The following RABL3 variants were observed in gnomAD, a reference collection of about 807,000 sequenced individuals.
RABL3 encodes the protein RAB, member of RAS oncogene family like 3.
Under a neutral mutation model 31.8 loss-of-function variants are expected in RABL3, and 31 were observed. The ratio of observed to expected loss-of-function variants is 0.97; its 90% confidence interval spans 0.73 to 1.31. The LOEUF (loss-of-function observed/expected upper bound fraction) is 1.31. Among genes scored for constraint, RABL3 ranks in the 40% most tolerant of loss-of-function variants. The pLI, the probability that RABL3 is intolerant of heterozygous loss-of-function variation, is 0.00. For missense variants in RABL3, 263 were observed against 279.6 expected, an observed-to-expected ratio of 0.94 and a Z score of 0.42; for synonymous variants, 97 against 99.9, an observed-to-expected ratio of 0.97 and a Z score of 0.18.
chr3:120,690,475 T>C lies in RABL3; in HGVS notation c.619A>G (p.Arg207Gly), dbSNP rs749353937. 1.6e-5 allele frequency: 25 copies of C among 1,602,554 alleles called. No homozygotes were observed. Among genetic ancestry groups the C allele is most frequent in the Non-Finnish European group, 8.5e-7 (1 of 1,170,014 alleles). ...SRFFDKVIEKRYFLREGNQIP... is the reference protein window; with the variant it reads ...SRFFDKVIEKGYFLREGNQIP... ...TGATTACCTTCTCTTAAAAAGTATC[T>C]CTTCTCTATGACCTGTGAAAAACAA... Residue 207 changes from arginine (R) to glycine (G), a missense_variant, in exon 7 of 8, where the codon AGA (arginine) becomes GGA (glycine). Physicochemically the swap from Arg to Gly is moderately radical, Grantham distance 125. Coordinates refer to ENST00000273375, the MANE Select transcript of RABL3 (RefSeq NM_173825.5).
At chr3:120,703,698 A>C (rs1708519085) in intron 4 of RABL3, among the ~76,000 whole-genome samples, 2 of 152,166 alleles carry the variant, frequency 1.3e-5, no homozygotes, top group African/African-American at 4.8e-5. Context: ...GAAGACATAA[A>C]ATACCAAAAT....
intron 2 of RABL3, among the ~76,000 whole-genome samples, chr3:120,718,484 T>A (rs1029454865): frequency 1.3e-5 from 2 of 152,234 alleles, no homozygotes; most frequent in Non-Finnish European, 2.9e-5. Flanking sequence ...ATAAGTCCTG[T>A]CATTAAACAC....
chr3:120,738,197 C>G (rs1708995936), intron 1 of RABL3, among the ~76,000 whole-genome samples: 1 of 152,254 alleles, frequency 6.6e-6, no homozygotes, highest in Non-Finnish European at 1.5e-5. Flanking sequence ...ACTCAAGCTT[C>G]ATCAATGGCG....
chr3:120,728,606 G>A (rs752015098), intron 2 of RABL3, among the ~76,000 whole-genome samples: 1 of 152,012 alleles, frequency 6.6e-6, no homozygotes. Context: ...AATGCTAAAT[G>A]ACGAGTTAAT....
chr3:120,691,301 C>T (rs764873522), intron 6 of RABL3, among the ~76,000 whole-genome samples: 1 of 152,074 alleles, frequency 6.6e-6, no homozygotes, highest in African/African-American at 2.4e-5. Context: ...TGAGAAACTG[C>T]AATGGTTACA....
intron 2 of RABL3, among the ~76,000 whole-genome samples, chr3:120,727,392 TA>T (rs1404644447): frequency 6.6e-6 from 1 of 152,134 alleles, no homozygotes; most frequent in Non-Finnish European, 1.5e-5. Flanking sequence ...TTCAAAAACA[TA>T]AACTACCAAA....
Position 120,709,814 on chromosome 3 carries a change from T to C in RABL3, c.234A>G (p.Lys78=). The part of the protein sequence containing the change: ...GGSVGSASSV[K]STRAVFYNSV... ...AGTTGTAGAATACTGCTCTTGTGCTTTTCACGCTGCTGGCACTGCCCACAG... is the reference window on the plus strand; with the variant it reads ...AGTTGTAGAATACTGCTCTTGTGCTCTTCACGCTGCTGGCACTGCCCACAG... Residue 78 remains lysine, a synonymous_variant, in exon 3 of 8, where the codon AAA becomes AAG. Coordinates refer to ENST00000273375, the MANE Select transcript of RABL3 (RefSeq NM_173825.5). The C allele has an allele frequency of 6.2e-7, 1 of 1,612,472 alleles. No homozygotes were observed. The highest frequency in any genetic ancestry group is 2.2e-5 in the East Asian group (1 of 44,856).
intron 1 of RABL3, among the ~76,000 whole-genome samples, chr3:120,731,024 C>G (rs1012044609): frequency 6.6e-6 from 1 of 152,188 alleles, no homozygotes; most frequent in East Asian, 1.9e-4. Flanking sequence ...GGGCTCCACC[C>G]CCAGACTTTC....
chr3:120,738,799 CCAT>C (rs1709004054), intron 1 of RABL3: 2 of 152,204 alleles, frequency 1.3e-5, no homozygotes, highest in South Asian at 4.1e-4. Context: ...AATCATTCTT[CCAT>C]TATTATTAGA....
At position 120,705,537 on chromosome 3, in the gene RABL3, GAGAA is replaced by G. The variant is rs1708538820; in HGVS notation, c.383+459_383+462del. The stretch of plus-strand genomic sequence containing the variant: ...GCAAAGGAGCAAAAGCAATTCAATG[GAGAA>G]AGGATATCTTTTCAATAAATGGTGC... On this transcript the variant is annotated intron_variant, in intron 4 of 7. Coordinates refer to ENST00000273375, the MANE Select transcript of RABL3 (RefSeq NM_173825.5). Among the ~76,000 whole-genome samples the G allele has an allele frequency of 2.0e-5, 3 of 152,128 alleles. No homozygotes were observed. In the South Asian group the frequency reaches 6.2e-4, roughly 32 times the overall value.
intron 4 of RABL3, among the ~76,000 whole-genome samples, chr3:120,704,540 A>G (rs1020038659): frequency 1.3e-5 from 2 of 152,202 alleles, no homozygotes; most frequent in African/African-American, 4.8e-5. Flanking sequence ...TATCACTCCT[A>G]GTTAGTACCC....
At position 120,712,593 on chromosome 3, in the gene RABL3, G is replaced by A. The variant is rs553454269; in HGVS notation, c.139-2684C>T. ...AGCAGGTTTGGTACTCCTCCTATTT[G>A]CTTCCATAGCATCCTACACACCTCT... On this transcript the variant is annotated intron_variant, in intron 2 of 7. Coordinates refer to ENST00000273375, the MANE Select transcript of RABL3 (RefSeq NM_173825.5). 4.6e-5 allele frequency among the ~76,000 whole-genome samples: 7 copies of A among 152,126 alleles called. No individual in the cohort carries two copies. The South Asian group carries it at 1.5e-3, about 32-fold the overall frequency.
intron 5 of RABL3, 114 bp from the exon 6 acceptor site, chr3:120,694,338 C>T: frequency 1.6e-6 from 1 of 615,964 alleles, no homozygotes; most frequent in Non-Finnish European, 3.0e-6. Flanking sequence ...AGGCACAATA[C>T]TCTCACAAAA....
At chr3:120,726,120 CA>C (rs1298375713) in intron 2 of RABL3, among the ~76,000 whole-genome samples, 1 of 152,084 alleles carries the variant, frequency 6.6e-6, no homozygotes, top group Non-Finnish European at 1.5e-5. Flanking sequence ...CTGGCCTACT[CA>C]ACACCTCTGG....
chr3:120,730,915 A>G, intron 1 of RABL3, 128 bp from the exon 2 acceptor site: 2 of 674,318 alleles, frequency 3.0e-6, no homozygotes, highest in South Asian at 1.6e-5. Flanking sequence ...CATACCAACA[A>G]TATAAGCTTC....
chr3:120,690,544 C>T, intron 6 of RABL3, 57 bp from the exon 7 acceptor site: 4 of 1,175,344 alleles, frequency 3.4e-6, no homozygotes, highest in Non-Finnish European at 5.1e-6. Flanking sequence ...AAGTGGCTAA[C>T]TGCAACGACC....
At chr3:120,725,248 T>A (rs1409065132) in intron 2 of RABL3, among the ~76,000 whole-genome samples, 2 of 152,214 alleles carry the variant, frequency 1.3e-5, no homozygotes. Context: ...CACATTGAGA[T>A]ACCATTTCAC....
Position 120,685,448 on chromosome 3 carries a change from A to C in RABL3, c.*4375T>G, listed in dbSNP as rs1486526262. Reference sequence around the variant, plus strand: ...GCCAGCTGAGAAAACACAGTACTAGAGAGGGGGCTGTGTGTAAGATGGCAA... The same window carrying C: ...GCCAGCTGAGAAAACACAGTACTAGCGAGGGGGCTGTGTGTAAGATGGCAA... On this transcript the variant is annotated 3_prime_UTR_variant, in exon 8 of 8. Transcript: ENST00000273375. Among the ~76,000 whole-genome samples, 1 of 152,218 alleles carries C rather than the reference A, an allele frequency of 6.6e-6. No homozygotes were observed. The highest frequency in any genetic ancestry group is 2.4e-5 in the African/African-American group (1 of 41,462).
intron 2 of RABL3, among the ~76,000 whole-genome samples, chr3:120,715,533 T>C (rs1304827603): frequency 2.0e-5 from 3 of 152,018 alleles, no homozygotes; most frequent in Non-Finnish European, 2.9e-5. Context: ...TGAGACTCTT[T>C]TTCAAAATAA....
Sources: gnomAD v4.1 joint callset for allele counts (sites outside exome capture counted in the v4.1 genomes callset) on GRCh38, gnomAD v4.1.1 for gene constraint, MANE v1.5 for transcripts, NCBI Gene and HGNC (gene_info 2026-07-23, HGNC 2026-07-21) for gene names.